The following HECW2 variants were observed in gnomAD, a reference collection of about 807,000 sequenced individuals.
HECW2 encodes E3 ubiquitin-protein ligase HECW2.
A neutral mutation model predicts 175.2 loss-of-function variants in HECW2; 61 were observed. The observed-to-expected ratio is 0.35, with a 90% CI of 0.28 to 0.43. HECW2 has a LOEUF of 0.43. Among genes scored for constraint, HECW2 ranks in the 20% least tolerant of loss-of-function variants. The pLI, the probability that HECW2 is intolerant of heterozygous loss-of-function variation, is 1.00. For synonymous variants in HECW2, 671 were observed against 731.0 expected, an observed-to-expected ratio of 0.92 and a Z score of 1.32; for missense variants, 1,524 against 2,000.5, an observed-to-expected ratio of 0.76 and a Z score of 4.54.
intron 18 of HECW2, among the ~76,000 whole-genome samples, chr2:196,255,147 A>ATTTTTTTTTTTTTT (rs768416431): frequency 3.1e-5 from 3 of 95,426 alleles, no homozygotes; most frequent in Non-Finnish European, 5.6e-5. Context: ...TAATTTTTCT[A>ATTTTTTTTTTTTTT]TTTTTTTTTT....
chr2:196,272,135 T>C (rs1286746950), intron 16 of HECW2, among the ~76,000 whole-genome samples: 4 of 152,116 alleles, frequency 2.6e-5, no homozygotes. Context: ...AATGTACTAG[T>C]TGGCAGCAAC....
At position 196,221,719 on chromosome 2, in the gene HECW2, C is replaced by T. The variant is rs570428350; in HGVS notation, c.4146+492G>A. ...GGACTACAGGTATGTGCCACCACAC[C>T]TGGCTAATTTTTGTATTTTTTGTAG... On this transcript the variant is annotated intron_variant, in intron 24 of 28. Coordinates refer to ENST00000644978, the MANE Select transcript of HECW2 (RefSeq NM_001348768.2). Among the ~76,000 whole-genome samples the T allele has an allele frequency of 5.3e-5, 8 of 152,196 alleles. No individual in the cohort carries two copies. The South Asian group carries it at 1.7e-3, about 32-fold the overall frequency.
chr2:196,370,640 T>C (rs193285889), intron 2 of HECW2, among the ~76,000 whole-genome samples: 1 of 152,274 alleles, frequency 6.6e-6, no homozygotes, highest in East Asian at 1.9e-4. Flanking sequence ...CTTTAATGTT[T>C]ATTTACAACC....
chr2:196,490,639 T>C (rs1687153968), intron 1 of HECW2, among the ~76,000 whole-genome samples: 1 of 152,146 alleles, frequency 6.6e-6, no homozygotes, highest in Admixed American at 6.5e-5. Flanking sequence ...TTCACCCACA[T>C]AAAAACTTGT....
chr2:196,289,291 C>G (rs1456733309), intron 14 of HECW2: 1 of 88,324 alleles, frequency 1.1e-5, no homozygotes, highest in Non-Finnish European at 3.0e-5. Context: ...AGAAATCAGT[C>G]ATCACTGTGG....
intron 2 of HECW2, among the ~76,000 whole-genome samples, chr2:196,412,277 T>C (rs920601573): frequency 1.3e-5 from 2 of 152,230 alleles, no homozygotes; most frequent in Non-Finnish European, 2.9e-5. Context: ...GCCTCTTTCC[T>C]TGGTGTGCAG....
intron 2 of HECW2, among the ~76,000 whole-genome samples, chr2:196,350,226 G>A (rs553964112): frequency 2.9e-4 from 44 of 152,304 alleles, no homozygotes; most frequent in Non-Finnish European, 5.7e-4. Flanking sequence ...TTAGCTGGGT[G>A]TGGAGGCACA....
At chr2:196,210,247 C>T (rs1317722555) in intron 28 of HECW2, among the ~76,000 whole-genome samples, 1 of 151,128 alleles carries the variant, frequency 6.6e-6, no homozygotes, top group Non-Finnish European at 1.5e-5. Flanking sequence ...ATGTGATAAA[C>T]GGAATGTTGT....
chr2:196,513,427 C>T (rs1277489022), intron 1 of HECW2, among the ~76,000 whole-genome samples: 3 of 152,180 alleles, frequency 2.0e-5, no homozygotes, highest in Non-Finnish European at 2.9e-5. Flanking sequence ...GAGGATCACC[C>T]GAGCCCAGGG....
At chr2:196,488,780 T>C (rs1452937835) in intron 1 of HECW2, among the ~76,000 whole-genome samples, 1 of 152,178 alleles carries the variant, frequency 6.6e-6, no homozygotes, top group Non-Finnish European at 1.5e-5. Flanking sequence ...TTCCTACTTT[T>C]CTACAATGAC....
chr2:196,557,165 G>A (rs930728797), intron 1 of HECW2, among the ~76,000 whole-genome samples: 6 of 152,170 alleles, frequency 3.9e-5, no homozygotes, highest in African/African-American at 7.2e-5. Flanking sequence ...GGAGCCCGAG[G>A]TGGGCGGATC....
At chr2:196,337,460 A>C (rs1692590112) in intron 3 of HECW2, among the ~76,000 whole-genome samples, 1 of 152,052 alleles carries the variant, frequency 6.6e-6, no homozygotes, top group South Asian at 2.1e-4. Flanking sequence ...GATGGAGGAC[A>C]TGGACCAAAG....
intron 28 of HECW2, among the ~76,000 whole-genome samples, chr2:196,204,301 T>C (rs1686986563): frequency 6.6e-6 from 1 of 152,150 alleles, no homozygotes; most frequent in African/African-American, 2.4e-5. Flanking sequence ...AGGGTTCCAA[T>C]TTCTCTACAT....
chr2:196,456,578 T>G (rs1453937002), intron 1 of HECW2, among the ~76,000 whole-genome samples: 1 of 152,216 alleles, frequency 6.6e-6, no homozygotes, highest in African/African-American at 2.4e-5. Context: ...GGTCACAGAT[T>G]GATTACTTGG....
chr2:196,514,120 C>T (rs1414635418), intron 1 of HECW2, among the ~76,000 whole-genome samples: 1 of 152,192 alleles, frequency 6.6e-6, no homozygotes, highest in Non-Finnish European at 1.5e-5. Context: ...TCTCAGGGGC[C>T]CAGGAAGCTC....
chr2:196,266,695 T>A (rs1217646222), intron 17 of HECW2, among the ~76,000 whole-genome samples: 1 of 152,194 alleles, frequency 6.6e-6, no homozygotes, highest in East Asian at 1.9e-4. Flanking sequence ...AAGAAATAGG[T>A]TAGCAATTTT....
At chr2:196,342,962 C>T (rs1450551435) in intron 3 of HECW2, among the ~76,000 whole-genome samples, 1 of 1,696 alleles carries the variant, frequency 5.9e-4, no homozygotes, top group South Asian at 0.026. Flanking sequence ...ATTTATATAC[C>T]ATACATTATG....
chr2:196,517,760 A>G (rs1473791179), intron 1 of HECW2, among the ~76,000 whole-genome samples: 2 of 152,210 alleles, frequency 1.3e-5, no homozygotes, highest in Non-Finnish European at 2.9e-5. Context: ...GCACTCATAT[A>G]AGGTAAAAAC....
At chr2:196,329,432 C>T (rs374567739) in intron 5 of HECW2, 143 bp downstream of exon 5, 8 of 562,114 alleles carry the variant, frequency 1.4e-5, no homozygotes, top group South Asian at 2.6e-5. Flanking sequence ...AAGAGATATA[C>T]TTGAATTTTC....
Sources: allele counts gnomAD v4.1 joint callset (sites outside exome capture counted in the v4.1 genomes callset), GRCh38; gene constraint gnomAD v4.1.1; transcripts MANE v1.5; gene names NCBI Gene and HGNC (gene_info 2026-07-23, HGNC 2026-07-21).